KAT6B: variants seen among roughly 807,000 people sequenced by gnomAD.
KAT6B encodes histone acetyltransferase KAT6B.
KAT6B carries 10 observed loss-of-function variants against 187.5 expected under a neutral mutation model. The observed-to-expected ratio is 0.05, with a 90% CI of 0.03 to 0.09. The LOEUF is 0.09. KAT6B is among the 10% of genes least tolerant of loss of function. The probability of loss-of-function intolerance (pLI) is 1.00; values close to 1 mark genes in which losing one functional copy is unlikely to be tolerated. For missense variants in KAT6B, 1,952 were observed against 2,558.9 expected (o/e 0.76, Z 5.12); for synonymous variants, 861 against 926.8 (o/e 0.93, Z 1.29).
intron 3 of KAT6B, among the ~76,000 whole-genome samples, chr10:74,862,960 T>C (rs1843289053): frequency 1.3e-5 from 2 of 152,174 alleles, no homozygotes. Flanking sequence ...AGACCTCCTC[T>C]CCTCTTGCTC....
chr10:74,825,435 G>A (rs1234461107), upstream of KAT6B: 1 of 151,422 alleles, frequency 6.6e-6, no homozygotes, highest in African/African-American at 2.4e-5. The surrounding 1 kb of genome is among the most constrained non-coding windows in gnomAD (Gnocchi z 5.0). Flanking sequence ...GCTGGCGGGC[G>A]GCGCGGGGGG....
At chr10:74,921,271 C>T (rs189961130) in intron 3 of KAT6B, among the ~76,000 whole-genome samples, 38 of 152,058 alleles carry the variant, frequency 2.5e-4, no homozygotes, top group Non-Finnish European at 4.6e-4. Context: ...CCTGCCACCA[C>T]GCCCAGCTAA....
At chr10:74,852,835 C>T (rs767672840) in intron 3 of KAT6B, among the ~76,000 whole-genome samples, 64 of 152,112 alleles carry the variant, frequency 4.2e-4, no homozygotes, top group Non-Finnish European at 5.4e-4. Context: ...ATGATCCTGT[C>T]CTGAATGATC....
chr10:74,977,545 G>T, intron 9 of KAT6B, 108 bp downstream of exon 9: 2 of 1,373,606 alleles, frequency 1.5e-6, no homozygotes, highest in Non-Finnish European at 1.0e-6. Flanking sequence ...AACATCCTTT[G>T]TGATTCTTTA....
Position 74,843,284 on chromosome 10 carries a change from A to T in KAT6B, c.427A>T (p.Thr143Ser). 6.2e-7 allele frequency: 1 copy of T among 1,613,988 alleles called. No homozygotes were observed. Among genetic ancestry groups the T allele is most frequent in the Non-Finnish European group, 8.5e-7 (1 of 1,179,988 alleles). ...AAGTCAAAGTGATCTCACAAGCACCACCAACAACCCAGCCTTTCAGCAGCG... is the reference window on the plus strand; with the variant it reads ...AAGTCAAAGTGATCTCACAAGCACCTCCAACAACCCAGCCTTTCAGCAGCG... ...LRSQSDLTST[T>S]NNPAFQQRLR... Residue 143 changes from threonine (T) to serine (S), a missense_variant, in exon 3 of 18, where the codon ACC (threonine) becomes TCC (serine). This residue lies in a region of KAT6B where 218 missense variants were observed against 282.6 expected (regional missense o/e 0.77). Transcript: ENST00000287239.
At chr10:74,885,066 TTA>T (rs1174453207) in intron 3 of KAT6B, among the ~76,000 whole-genome samples, 6 of 151,880 alleles carry the variant, frequency 4.0e-5, no homozygotes, top group African/African-American at 1.5e-4. Flanking sequence ...AATTAATTAA[TTA>T]ATTTATTTAT....
chr10:75,020,820 C>A lies in KAT6B; in HGVS notation c.2861+7C>A. 6.2e-7 allele frequency: 1 copy of A among 1,611,796 alleles called. No homozygotes were observed. The highest frequency in any genetic ancestry group is 1.1e-5 in the South Asian group (1 of 90,984). On this transcript the variant is annotated splice_region_variant and intron_variant, in intron 14 of 17. Transcript: ENST00000287239. ...TCGACAAGAGAGATGGCAGGTGAGTCCTGGGACCCTGGGCAGCTCCGTGGC... is the reference window on the plus strand; with the variant it reads ...TCGACAAGAGAGATGGCAGGTGAGTACTGGGACCCTGGGCAGCTCCGTGGC...
chr10:74,947,359 G>T (rs961774944), intron 3 of KAT6B, among the ~76,000 whole-genome samples: 2 of 152,128 alleles, frequency 1.3e-5, no homozygotes, highest in Admixed American at 6.5e-5. Context: ...TTCTAAATGT[G>T]CAAACATTTA....
intron 3 of KAT6B, among the ~76,000 whole-genome samples, chr10:74,892,491 A>G (rs1316660023): frequency 6.6e-6 from 1 of 152,196 alleles, no homozygotes; most frequent in Non-Finnish European, 1.5e-5. Context: ...TTACTTTTGT[A>G]CATTTCGCAC....
intron 3 of KAT6B, among the ~76,000 whole-genome samples, chr10:74,843,829 C>T (rs1841918922): frequency 6.6e-6 from 1 of 152,100 alleles, no homozygotes; most frequent in Non-Finnish European, 1.5e-5. Context: ...GTATATTTTT[C>T]TCTTTATTAC....
At chr10:74,952,900 A>T (rs937205578) in intron 3 of KAT6B, among the ~76,000 whole-genome samples, 4 of 121,284 alleles carry the variant, frequency 3.3e-5, no homozygotes, top group African/African-American at 1.3e-4. Context: ...AGGTTTCACC[A>T]TGTTGGCCAG....
chr10:74,854,982 G>A (rs979060503), intron 3 of KAT6B, among the ~76,000 whole-genome samples: 1 of 151,972 alleles, frequency 6.6e-6, no homozygotes, highest in Admixed American at 6.6e-5. Flanking sequence ...CCATCAAGTC[G>A]GTCTTTTGTT....
chr10:74,982,055 CT>C, intron 11 of KAT6B, 127 bp downstream of exon 11: 1 of 794,914 alleles, frequency 1.3e-6, no homozygotes, highest in Admixed American at 2.2e-5. Context: ...TCAGACTGCC[CT>C]TTAAAACATC....
At chr10:74,887,794 C>T (rs545241367) in intron 3 of KAT6B, among the ~76,000 whole-genome samples, 20 of 152,034 alleles carry the variant, frequency 1.3e-4, no homozygotes, top group African/African-American at 4.8e-4. Flanking sequence ...ATTGCTTGAG[C>T]CTAGGAGTTT....
Position 74,826,789 on chromosome 10 carries a change from T to C in KAT6B, c.-329+4T>C, listed in dbSNP as rs1313536568. ...GGTGGCGGTGGCGCGCAGCCAGGTCTGTCACCCACCCCGCGCGTTCCCAGG... is the reference window on the plus strand; with the variant it reads ...GGTGGCGGTGGCGCGCAGCCAGGTCCGTCACCCACCCCGCGCGTTCCCAGG... On this transcript the variant is annotated splice_donor_region_variant and intron_variant, in intron 1 of 17. Transcript: ENST00000287239. The C allele has an allele frequency of 6.7e-6, 1 of 149,416 alleles. No individual in the cohort carries two copies. Among genetic ancestry groups the C allele is most frequent in the African/African-American group, 2.5e-5 (1 of 40,420 alleles). The allele number at this position is 149,416 out of a possible 1,614,324, so 9.3% of individuals were successfully genotyped here.
At chr10:74,955,627 C>T (rs1208004449) in intron 3 of KAT6B, among the ~76,000 whole-genome samples, 4 of 151,956 alleles carry the variant, frequency 2.6e-5, no homozygotes, top group South Asian at 2.1e-4. Context: ...AATCATAACA[C>T]TTTACTCCTA....
upstream of KAT6B, chr10:74,825,470 G>C (rs1299408264): frequency 1.3e-5 from 2 of 152,050 alleles, no homozygotes; most frequent in Non-Finnish European, 2.9e-5. This position sits in a 1 kb window ranked among gnomAD's most constrained non-coding sequence, Gnocchi z 5.0. Context: ...GCGCTGCCTC[G>C]GGCTCTGTGC....
chr10:74,935,127 T>C (rs1849155029), intron 3 of KAT6B, among the ~76,000 whole-genome samples: 1 of 152,244 alleles, frequency 6.6e-6, no homozygotes, highest in African/African-American at 2.4e-5. Flanking sequence ...AGCGTAACAC[T>C]GACCTCACAG....
intron 1 of KAT6B, among the ~76,000 whole-genome samples, chr10:74,828,680 G>C (rs1459517480): frequency 6.8e-6 from 1 of 147,136 alleles, no homozygotes; most frequent in Non-Finnish European, 1.5e-5. Context: ...CCATTGTCCT[G>C]CCTCAGCCTC....
Sources: gnomAD v4.1 joint callset for allele counts (sites outside exome capture counted in the v4.1 genomes callset) on GRCh38, gnomAD v4.1.1 for gene constraint, gnomAD v4.1.1 regional missense constraint, Gnocchi (gnomAD v3.1) non-coding constraint, MANE v1.5 for transcripts, NCBI Gene and HGNC (gene_info 2026-07-23, HGNC 2026-07-21) for gene names.